TRIM24: variants seen among roughly 807,000 people sequenced by gnomAD.
TRIM24 encodes transcription intermediary factor 1-alpha.
In TRIM24, 29 loss-of-function variants were observed where a neutral mutation model predicts 123.9. That is an observed-to-expected ratio of 0.23 (90% CI 0.17 to 0.32). The LOEUF is 0.32. Ranked by LOEUF, TRIM24 falls within the 10% of genes least tolerant of loss-of-function variation. TRIM24 has a pLI of 1.00. For synonymous variants in TRIM24, 456 were observed against 461.1 expected (o/e 0.99, Z 0.14); for missense variants, 932 against 1,295.3 (o/e 0.72, Z 4.31).
At chr7:138,486,803 T>G (rs568415708) in intron 1 of TRIM24, among the ~76,000 whole-genome samples, 2 of 152,310 alleles carry the variant, frequency 1.3e-5, no homozygotes, top group African/African-American at 4.8e-5. Context: ...TTGCTTAGGA[T>G]TGTCTTGGCA....
intron 1 of TRIM24, among the ~76,000 whole-genome samples, chr7:138,466,230 GGTGATCCACCC>G: frequency 6.6e-6 from 1 of 152,124 alleles, no homozygotes; most frequent in Non-Finnish European, 1.5e-5. Context: ...CTTGACCTCA[GGTGATCCACCC>G]GCCTCGGCCT....
chr7:138,584,943 C>G lies in TRIM24; in HGVS notation c.3145C>G (p.Leu1049Val). Reference sequence around the variant, plus strand: ...CAAAAGCATTGAAGAACGCCAGTTGCTTAAATAATATGCAGCACCACTAGC... The same window carrying G: ...CAAAAGCATTGAAGAACGCCAGTTGGTTAAATAATATGCAGCACCACTAGC... ...RLKSIEERQL[L>V]K Residue 1049 changes from leucine (L) to valine (V), a missense_variant, in exon 19 of 19, where the codon CTT becomes GTT. Leu to Val is a conservative substitution (Grantham distance 32). Around this residue, in one of 7 missense-constraint regions of TRIM24, gnomAD observed 104 missense variants for 121.5 expected, o/e 0.86. Coordinates refer to ENST00000343526, the MANE Select transcript of TRIM24 (RefSeq NM_015905.3). 2.5e-6 allele frequency: 4 copies of G among 1,607,456 alleles called. No homozygotes were observed. Among genetic ancestry groups the G allele is most frequent in the Non-Finnish European group, 3.4e-6 (4 of 1,178,242 alleles).
chr7:138,489,347 A>G (rs1584695227), intron 1 of TRIM24, among the ~76,000 whole-genome samples: 1 of 152,140 alleles, frequency 6.6e-6, no homozygotes, highest in East Asian at 1.9e-4. Context: ...GCCCATTTAC[A>G]TTTAAGGTTA....
intron 2 of TRIM24, among the ~76,000 whole-genome samples, chr7:138,507,188 T>C (rs148247229): frequency 1.0e-3 from 157 of 152,228 alleles, no homozygotes; most frequent in African/African-American, 3.6e-3. Flanking sequence ...AACTTTTTGT[T>C]GTAGATAATT....
At chr7:138,466,027 G>T (rs561166900) in intron 1 of TRIM24, among the ~76,000 whole-genome samples, 1 of 152,026 alleles carries the variant, frequency 6.6e-6, no homozygotes, top group Non-Finnish European at 1.5e-5. Context: ...TTTTTGAGAC[G>T]GAGTCTCACT....
At chr7:138,546,844 T>G (rs2116623102) in intron 7 of TRIM24, among the ~76,000 whole-genome samples, 1 of 152,346 alleles carries the variant, frequency 6.6e-6, no homozygotes, top group Non-Finnish European at 1.5e-5. Context: ...TTGGTGAGAA[T>G]GTAAATTAGT....
chr7:138,530,210 T>C (rs747196834), intron 6 of TRIM24, among the ~76,000 whole-genome samples: 52 of 152,080 alleles, frequency 3.4e-4, no homozygotes, highest in Middle Eastern at 3.4e-3. Flanking sequence ...TAACTATTTG[T>C]TCAAGGTCTG....
intron 8 of TRIM24, among the ~76,000 whole-genome samples, chr7:138,552,265 A>T (rs949561579): frequency 6.6e-6 from 1 of 152,268 alleles, no homozygotes; most frequent in Admixed American, 6.5e-5. Context: ...CCTAAATGAC[A>T]CATTTATCAG....
At chr7:138,519,120 G>A in intron 3 of TRIM24, 69 bp from the exon 4 acceptor site, 2 of 1,570,392 alleles carry the variant, frequency 1.3e-6, no homozygotes, top group Non-Finnish European at 8.7e-7. Context: ...ATTCAAATGA[G>A]CAATCTAATA....
chr7:138,588,437 A>C lies in TRIM24; in HGVS notation c.*3486A>C, dbSNP rs1389684420. Reference sequence around the variant, plus strand: ...GTGAATGGGTCGGGCGCAGTGGCTCACGCCTGTAATCCCAGCACTTTGGGA... The same window carrying C: ...GTGAATGGGTCGGGCGCAGTGGCTCCCGCCTGTAATCCCAGCACTTTGGGA... On this transcript the variant is annotated 3_prime_UTR_variant, in exon 19 of 19. Transcript: ENST00000343526. 1 of 152,310 alleles carries C rather than the reference A, an allele frequency of 6.6e-6. No individual in the cohort carries two copies. Among genetic ancestry groups the C allele is most frequent in the African/African-American group, 2.4e-5 (1 of 41,470 alleles). 9.4% of individuals were successfully genotyped at this position (152,310 alleles called of 1,614,324 possible). A position where few individuals can be genotyped will look rare whatever the true frequency, so the allele number is the denominator to read the frequency against.
At chr7:138,478,207 A>G (rs1053802107) in intron 1 of TRIM24, among the ~76,000 whole-genome samples, 2 of 152,166 alleles carry the variant, frequency 1.3e-5, no homozygotes, top group Admixed American at 6.5e-5. Context: ...GGTCTTACCT[A>G]CATTTTCCAC....
intron 7 of TRIM24, among the ~76,000 whole-genome samples, chr7:138,549,020 A>G (rs371850647): frequency 6.6e-6 from 1 of 152,228 alleles, no homozygotes; most frequent in South Asian, 2.1e-4. Flanking sequence ...AGTACACTCT[A>G]AAATAATGAG....
chr7:138,490,913 C>T (rs1403479067), intron 1 of TRIM24: 6 of 395,834 alleles, frequency 1.5e-5, no homozygotes, highest in African/African-American at 2.1e-5. Context: ...CATAAGAGAT[C>T]TTCCGTATCT....
chr7:138,507,956 A>T (rs559867456), intron 2 of TRIM24, among the ~76,000 whole-genome samples: 17 of 152,100 alleles, frequency 1.1e-4, no homozygotes, highest in Admixed American at 7.8e-4. Flanking sequence ...ATTTTTTTTT[A>T]AATGCTTAAT....
intron 9 of TRIM24, among the ~76,000 whole-genome samples, chr7:138,565,865 C>G (rs1199930286): frequency 6.6e-6 from 1 of 152,212 alleles, no homozygotes; most frequent in East Asian, 1.9e-4. Context: ...TTTCATAATC[C>G]TTAGCATAGC....
rs1015158420 is a variant in TRIM24 at position 138,586,877 on chromosome 7, G to C, written c.*1926G>C. On this transcript the variant is annotated 3_prime_UTR_variant, in exon 19 of 19. Coordinates refer to ENST00000343526, the MANE Select transcript of TRIM24 (RefSeq NM_015905.3). Reference sequence around the variant, plus strand: ...TGAGAATCATCACAAAAGGGAGTTAGAACTTGTGAGACTAAAACTATAATT... The same window carrying C: ...TGAGAATCATCACAAAAGGGAGTTACAACTTGTGAGACTAAAACTATAATT... 2 of 152,192 alleles carry C rather than the reference G, an allele frequency of 1.3e-5. No individual in the cohort carries two copies. The highest frequency in any genetic ancestry group is 3.8e-4 in the East Asian group (2 of 5,206). 9.4% of individuals were successfully genotyped at this position (152,192 alleles called of 1,614,324 possible).
chr7:138,494,678 C>T (rs751194389), intron 1 of TRIM24, among the ~76,000 whole-genome samples: 1 of 152,126 alleles, frequency 6.6e-6, no homozygotes, highest in Non-Finnish European at 1.5e-5. Flanking sequence ...TTTCACCTAT[C>T]AGGCAAAAAT....
chr7:138,547,184 G>A (rs1287922068), intron 7 of TRIM24, among the ~76,000 whole-genome samples: 2 of 152,098 alleles, frequency 1.3e-5, no homozygotes, highest in African/African-American at 4.8e-5. Context: ...TCACTTATAC[G>A]TGGAAAAAAG....
At position 138,468,733 on chromosome 7, in the gene TRIM24, A is replaced by T. The variant is rs1157746457; in HGVS notation, c.364+7821A>T. Among the ~76,000 whole-genome samples, 3 of 152,046 alleles carry T rather than the reference A, an allele frequency of 2.0e-5. No homozygotes were observed. In the East Asian group the frequency reaches 5.8e-4, roughly 29 times the overall value. On this transcript the variant is annotated intron_variant, in intron 1 of 18. Transcript: ENST00000343526. ...ATCCCTTAGCAGCTGCTCTCTGGTA[A>T]ACTTCCCATGGACTTGCTCTGCACA...
Sources: gnomAD v4.1 joint callset for allele counts (sites outside exome capture counted in the v4.1 genomes callset) on GRCh38, gnomAD v4.1.1 for gene constraint, gnomAD v4.1.1 regional missense constraint, MANE v1.5 for transcripts, NCBI Gene and HGNC (gene_info 2026-07-23, HGNC 2026-07-21) for gene names.